UBTD1: variants seen among roughly 807,000 people sequenced by gnomAD.
The protein encoded by UBTD1 is ubiquitin domain-containing protein 1.
Under a neutral mutation model 21.7 loss-of-function variants are expected in UBTD1, and 19 were observed. That is an observed-to-expected ratio of 0.87 (90% CI 0.61 to 1.28). The LOEUF is 1.28. Among genes scored for constraint, UBTD1 ranks in the 50% most tolerant of loss-of-function variants. The pLI, the probability that UBTD1 is intolerant of heterozygous loss-of-function variation, is 0.00. For missense variants in UBTD1, 282 were observed against 315.1 expected (o/e 0.89, Z 0.80); for synonymous variants, 116 against 135.1 (o/e 0.86, Z 0.98).
At chr10:97,546,379 A>G (rs1196190367) in intron 1 of UBTD1, among the ~76,000 whole-genome samples, 2 of 152,052 alleles carry the variant, frequency 1.3e-5, no homozygotes, top group Admixed American at 1.3e-4. Flanking sequence ...ACTTGAGCTC[A>G]GGAGTTCGAG....
At position 97,570,344 on chromosome 10, in the gene UBTD1, G is replaced by A. The variant is rs150033577; in HGVS notation, c.505G>A (p.Asp169Asn). ...CGTGAGGCTCAGCGCCAGCCTGCCC[G>A]ACACAGTGGGGCAGCTCAAGAGGCA... ...KDVRLSASLP[D>N]TVGQLKRQLH... Residue 169 changes from aspartate (D) to asparagine (N), a missense_variant, in exon 3 of 3, where the codon GAC (aspartate) becomes AAC (asparagine). By Grantham distance (23) the Asp-to-Asn change is conservative. Transcript: ENST00000370664. This position sits in a 1 kb window ranked among gnomAD's most constrained non-coding sequence, Gnocchi z 6.6. The A allele has an allele frequency of 1.6e-4, 256 of 1,613,220 alleles. 1 individual carries two copies. Among genetic ancestry groups the A allele is most frequent in the African/African-American group, 1.3e-3 (98 of 75,054 alleles).
At chr10:97,530,180 A>C (rs550100909) in intron 1 of UBTD1, among the ~76,000 whole-genome samples, 7 of 151,380 alleles carry the variant, frequency 4.6e-5, no homozygotes, top group African/African-American at 1.7e-4. Context: ...GGTGCATACT[A>C]GAAGCTCAAT....
In UBTD1 at chr10:97,499,153, A is replaced by T; in HGVS notation, c.-51A>T. 5 of 1,491,114 alleles carry T rather than the reference A, an allele frequency of 3.4e-6. No homozygotes were observed. The allele number at this position is 1,491,114 out of a possible 1,614,324, so 92.4% of individuals were successfully genotyped here. A position where few individuals can be genotyped will look rare whatever the true frequency, so the allele number is the denominator to read the frequency against. On this transcript the variant is annotated 5_prime_UTR_variant, in exon 1 of 3. Transcript: ENST00000370664. Reference sequence around the variant, plus strand: ...CCCGGGACGCCGCCGTCCGCTGAGCAGCCGACCACCCCGCCGCCTCCGGTG... The same window carrying T: ...CCCGGGACGCCGCCGTCCGCTGAGCTGCCGACCACCCCGCCGCCTCCGGTG...
chr10:97,512,185 G>A (rs2040425512), intron 1 of UBTD1, among the ~76,000 whole-genome samples: 1 of 152,108 alleles, frequency 6.6e-6, no homozygotes. Context: ...ATTTCCACAT[G>A]TCCCCATCCC....
intron 1 of UBTD1, among the ~76,000 whole-genome samples, chr10:97,519,887 G>A (rs1474952219): frequency 1.3e-5 from 2 of 152,074 alleles, no homozygotes; most frequent in Non-Finnish European, 2.9e-5. Context: ...AGCCCTGCAG[G>A]TGTTTACTGG....
intron 1 of UBTD1, among the ~76,000 whole-genome samples, chr10:97,525,445 C>T (rs1174277750): frequency 2.6e-5 from 4 of 152,116 alleles, no homozygotes; most frequent in South Asian, 2.1e-4. Context: ...TCTAGCTGGG[C>T]GCCGACATTT....
chr10:97,499,339 C>CA, intron 1 of UBTD1, 66 bp downstream of exon 1: 1 of 1,501,588 alleles, frequency 6.7e-7, no homozygotes, highest in Non-Finnish European at 9.0e-7. Context: ...CGCCCGAGTC[C>CA]TGGGCTTACC....
chr10:97,567,367 C>A (rs1021937245), intron 1 of UBTD1, among the ~76,000 whole-genome samples: 2 of 147,746 alleles, frequency 1.4e-5, no homozygotes, highest in African/African-American at 2.5e-5. Context: ...GCGCCCTGCC[C>A]CACATCATGT....
intron 1 of UBTD1, among the ~76,000 whole-genome samples, chr10:97,541,234 C>T (rs1013714447): frequency 1.3e-5 from 2 of 152,058 alleles, no homozygotes; most frequent in South Asian, 2.1e-4. Flanking sequence ...CCTAGCAATT[C>T]GGGAGGCTGA....
At chr10:97,552,781 G>T (rs11189275) in intron 1 of UBTD1, among the ~76,000 whole-genome samples, 41,195 of 152,056 alleles carry the variant, frequency 0.27, 5,869 homozygotes, top group East Asian at 0.49. Context: ...TATGGTGGAC[G>T]TTTTCCCGTG....
intron 1 of UBTD1, among the ~76,000 whole-genome samples, chr10:97,545,525 A>G (rs1025302470): frequency 6.6e-6 from 1 of 152,030 alleles, no homozygotes; most frequent in African/African-American, 2.4e-5. Context: ...GTGTAATAAT[A>G]TATAACACGT....
chr10:97,538,592 C>T lies in UBTD1; in HGVS notation c.71-29322C>T, dbSNP rs1432975170. On this transcript the variant is annotated intron_variant, in intron 1 of 2. Transcript: ENST00000370664. ...CGTCTGGTCAGGGACTTGCCATGCT[C>T]GTCTGGACGTCCACCGTGCCTGGCA... Among the ~76,000 whole-genome samples, 4 of 152,122 alleles carry T rather than the reference C, an allele frequency of 2.6e-5. No individual in the cohort carries two copies. In the East Asian group the frequency reaches 7.7e-4, roughly 29 times the overall value.
intron 1 of UBTD1, among the ~76,000 whole-genome samples, chr10:97,527,954 G>C (rs1403506472): frequency 6.6e-6 from 1 of 152,134 alleles, no homozygotes; most frequent in Non-Finnish European, 1.5e-5. Context: ...TTCTCAATGA[G>C]CTGCTGGGTA....
At chr10:97,547,166 G>GC (rs1264973004) in intron 1 of UBTD1, among the ~76,000 whole-genome samples, 2 of 152,196 alleles carry the variant, frequency 1.3e-5, no homozygotes, top group African/African-American at 4.8e-5. Flanking sequence ...GTCAGGCTGT[G>GC]CCGTTCGCTT....
At chr10:97,512,822 G>C (rs2040428153) in intron 1 of UBTD1, among the ~76,000 whole-genome samples, 1 of 152,210 alleles carries the variant, frequency 6.6e-6, no homozygotes, top group African/African-American at 2.4e-5. Context: ...ATTTGTCTGT[G>C]ATGGGGCCAT....
At chr10:97,543,640 A>G (rs2040595986) in intron 1 of UBTD1, among the ~76,000 whole-genome samples, 1 of 152,218 alleles carries the variant, frequency 6.6e-6, no homozygotes, top group Non-Finnish European at 1.5e-5. Context: ...GTCCTGATGG[A>G]AATGGACCCA....
At chr10:97,505,250 A>G (rs1036496328) in intron 1 of UBTD1, among the ~76,000 whole-genome samples, 3 of 152,246 alleles carry the variant, frequency 2.0e-5, no homozygotes, top group Admixed American at 6.5e-5. Flanking sequence ...TTACCCAGCC[A>G]TTAGAAAGAG....
chr10:97,506,364 T>G (rs1399528186), intron 1 of UBTD1, among the ~76,000 whole-genome samples: 2 of 152,244 alleles, frequency 1.3e-5, no homozygotes, highest in African/African-American at 4.8e-5. Flanking sequence ...GGCCCCAAAC[T>G]ACGTGGTTCC....
At chr10:97,516,749 C>T in intron 1 of UBTD1, among the ~76,000 whole-genome samples, 1 of 151,410 alleles carries the variant, frequency 6.6e-6, no homozygotes, top group Non-Finnish European at 1.5e-5. Flanking sequence ...CCAGCCTGGG[C>T]AACAGAGTGA....
Sources: allele counts gnomAD v4.1 joint callset (sites outside exome capture counted in the v4.1 genomes callset), GRCh38; gene constraint gnomAD v4.1.1; non-coding constraint Gnocchi (gnomAD v3.1); transcripts MANE v1.5; gene names NCBI Gene and HGNC (gene_info 2026-07-23, HGNC 2026-07-21).